ASTN1: variants seen among roughly 807,000 people sequenced by gnomAD.
ASTN1 encodes astrotactin 1.
In ASTN1, 41 loss-of-function variants were observed where a neutral mutation model predicts 140.7. The observed-to-expected ratio is 0.29, with a 90% CI of 0.23 to 0.38. ASTN1 has a LOEUF of 0.38. Ranked by LOEUF, ASTN1 falls within the 10% of genes least tolerant of loss-of-function variation. ASTN1 has a pLI of 1.00. For missense variants in ASTN1, 1,479 were observed against 1,678.8 expected (o/e 0.88, Z 2.08); for synonymous variants, 640 against 652.2 (o/e 0.98, Z 0.29).
intron 2 of ASTN1, among the ~76,000 whole-genome samples, chr1:177,037,979 T>C (rs1407066657): frequency 6.6e-6 from 1 of 152,242 alleles, no homozygotes; most frequent in East Asian, 1.9e-4. Flanking sequence ...AGTATGAGAT[T>C]TGTCAGATAA....
intron 2 of ASTN1, among the ~76,000 whole-genome samples, chr1:177,043,885 T>TG (rs1677090169): frequency 6.6e-6 from 1 of 152,166 alleles, no homozygotes; most frequent in Non-Finnish European, 1.5e-5. Context: ...AAGTCTTCTT[T>TG]GGGGCCCCAC....
intron 1 of ASTN1, among the ~76,000 whole-genome samples, chr1:177,095,531 GC>G (rs1679988667): frequency 6.6e-6 from 1 of 152,186 alleles, no homozygotes; most frequent in African/African-American, 2.4e-5. Flanking sequence ...GCTGCAGTAG[GC>G]TCAGGGCCCT....
rs1001386894 is a variant in ASTN1 at position 176,862,097 on chromosome 1, T to C, written c.*2187A>G. The C allele has an allele frequency of 1.0e-6, 1 of 985,458 alleles. No homozygotes were observed. Among genetic ancestry groups the C allele is most frequent in the Non-Finnish European group, 1.2e-6 (1 of 829,950 alleles). The allele number at this position is 985,458 out of a possible 1,614,324, so 61.0% of individuals were successfully genotyped here. Reference sequence around the variant, plus strand: ...AAGAGATGCTCTGGGCCCTGTCTGATTGGCCTGTCACATCTTCTCTGGCAA... The same window carrying C: ...AAGAGATGCTCTGGGCCCTGTCTGACTGGCCTGTCACATCTTCTCTGGCAA... On this transcript the variant is annotated 3_prime_UTR_variant, in exon 23 of 23. Transcript: ENST00000361833.
intron 2 of ASTN1, among the ~76,000 whole-genome samples, chr1:177,053,006 T>G (rs1677615187): frequency 6.6e-6 from 1 of 152,220 alleles, no homozygotes; most frequent in Non-Finnish European, 1.5e-5. Context: ...GAAGAAATGA[T>G]AGCTATTTCA....
intron 1 of ASTN1, among the ~76,000 whole-genome samples, chr1:177,070,514 A>G (rs1004364947): frequency 6.6e-6 from 1 of 152,172 alleles, no homozygotes; most frequent in African/African-American, 2.4e-5. Context: ...ATTCATCTCC[A>G]TTTCTAATTA....
chr1:177,118,727 C>A (rs1280741434), intron 1 of ASTN1, among the ~76,000 whole-genome samples: 1 of 152,068 alleles, frequency 6.6e-6, no homozygotes, highest in Non-Finnish European at 1.5e-5. Flanking sequence ...TTTGGTTTGC[C>A]AATATTACAT....
intron 20 of ASTN1, among the ~76,000 whole-genome samples, chr1:176,882,547 AT>A (rs34500428): frequency 0.84 from 126,535 of 151,312 alleles, 53,022 homozygotes; most frequent in Middle Eastern, 0.95. Flanking sequence ...CTCTTTTACA[AT>A]TTTTTTTTTC....
chr1:177,032,443 C>T lies in ASTN1; in HGVS notation c.865+13G>A, dbSNP rs780328042. 1.1e-5 allele frequency: 17 copies of T among 1,609,366 alleles called. No individual in the cohort carries two copies. The African/African-American group carries it at 1.3e-4, about 13-fold the overall frequency. ...AAGGACCAAACAGCCCCTTGCCTTTCTCCCATCCCCACCTGGTGTGAGGTC... is the reference window on the plus strand; with the variant it reads ...AAGGACCAAACAGCCCCTTGCCTTTTTCCCATCCCCACCTGGTGTGAGGTC... On this transcript the variant is annotated intron_variant, in intron 3 of 22. Transcript: ENST00000361833.
chr1:176,941,563 G>A (rs1053214934), intron 14 of ASTN1, among the ~76,000 whole-genome samples: 2 of 152,152 alleles, frequency 1.3e-5, no homozygotes, highest in African/African-American at 4.8e-5. Flanking sequence ...ACTTTCTATC[G>A]TGAATGAGCA....
chr1:177,104,126 T>A (rs1314488846), intron 1 of ASTN1, among the ~76,000 whole-genome samples: 2 of 151,724 alleles, frequency 1.3e-5, no homozygotes, highest in African/African-American at 4.8e-5. Flanking sequence ...CCCACCAACA[T>A]CCTAACAAGC....
intron 1 of ASTN1, among the ~76,000 whole-genome samples, chr1:177,074,043 CT>C (rs146424926): frequency 0.03 from 4,587 of 151,984 alleles, 231 homozygotes; most frequent in African/African-American, 0.1. Flanking sequence ...ACTTGTTCCC[CT>C]TTTTTAGCCA....
At chr1:176,969,347 G>A (rs909078133) in intron 8 of ASTN1, among the ~76,000 whole-genome samples, 17 of 152,166 alleles carry the variant, frequency 1.1e-4, no homozygotes, top group African/African-American at 3.6e-4. Context: ...AGCCGTATGG[G>A]CCACAGAGGA....
At chr1:177,074,613 C>G (rs1678799604) in intron 1 of ASTN1, among the ~76,000 whole-genome samples, 1 of 152,142 alleles carries the variant, frequency 6.6e-6, no homozygotes. Flanking sequence ...AATGGTCTGA[C>G]TCATTGAGGG....
chr1:177,056,221 A>G (rs888586971), intron 2 of ASTN1, among the ~76,000 whole-genome samples: 3 of 152,106 alleles, frequency 2.0e-5, no homozygotes, highest in African/African-American at 7.2e-5. Context: ...ACTTTTCCAC[A>G]CTGGAACTTT....
At chr1:177,133,917 C>G (rs1470410240) in intron 1 of ASTN1, among the ~76,000 whole-genome samples, 1 of 152,176 alleles carries the variant, frequency 6.6e-6, no homozygotes, top group Admixed American at 6.5e-5. Flanking sequence ...ATTCCAGTAA[C>G]TTATCTTGAA....
intron 1 of ASTN1, among the ~76,000 whole-genome samples, chr1:177,077,948 A>G (rs372341183): frequency 1.3e-5 from 2 of 152,292 alleles, no homozygotes; most frequent in East Asian, 1.9e-4. Context: ...GGGAATATGG[A>G]ACAAATCAGG....
chr1:176,976,831 G>A (rs1673383653), intron 8 of ASTN1: 1 of 152,210 alleles, frequency 6.6e-6, no homozygotes, highest in Non-Finnish European at 1.5e-5. Context: ...TCTGCCATGT[G>A]TCCCCGGACA....
At chr1:176,996,099 A>ACG (rs990107354) in intron 8 of ASTN1, among the ~76,000 whole-genome samples, 1 of 152,182 alleles carries the variant, frequency 6.6e-6, no homozygotes, top group African/African-American at 2.4e-5. Context: ...ACCTAGGTTC[A>ACG]CGCAGAAATT....
At chr1:176,988,887 T>C (rs760665933) in intron 8 of ASTN1, among the ~76,000 whole-genome samples, 11 of 152,204 alleles carry the variant, frequency 7.2e-5, no homozygotes, top group South Asian at 2.1e-4. Flanking sequence ...ACACCTCCTG[T>C]CTATTCAGAT....
Sources: gnomAD v4.1 joint callset for allele counts (sites outside exome capture counted in the v4.1 genomes callset) on GRCh38, gnomAD v4.1.1 for gene constraint, MANE v1.5 for transcripts, NCBI Gene and HGNC (gene_info 2026-07-23, HGNC 2026-07-21) for gene names.